The following MTUS2 variants were observed in gnomAD, a reference collection of about 807,000 sequenced individuals.
The protein encoded by MTUS2 is microtubule-associated tumor suppressor candidate 2.
Under a neutral mutation model 114.1 loss-of-function variants are expected in MTUS2, and 40 were observed. The observed-to-expected ratio is 0.35, with a 90% CI of 0.27 to 0.46. The LOEUF is 0.46. Among genes scored for constraint, MTUS2 ranks in the 20% least tolerant of loss-of-function variants. MTUS2 has a pLI of 1.00. For missense variants in MTUS2, 1,679 were observed against 1,705.4 expected (o/e 0.98, Z 0.27); for synonymous variants, 688 against 672.0 (o/e 1.02, Z -0.37).
chr13:29,478,740 T>G (rs558067207), intron 9 of MTUS2, among the ~76,000 whole-genome samples: 3 of 152,034 alleles, frequency 2.0e-5, no homozygotes, highest in Admixed American at 2.0e-4. Flanking sequence ...TGGGCCCTGA[T>G]TGCATTGGGA....
rs372153145 is a variant in MTUS2, at chr13:29,025,769, C to T, written c.1071C>T (p.Thr357=). ...GTGGGGAAGCACACCCGGAAGCCAC[C>T]GATGCACTTGGCCATCTGCTGAACA... is the stretch of plus-strand genomic sequence containing the variant. ...DPCGEAHPEA[T]DALGHLLNSD... Residue 357 remains threonine (T), a synonymous_variant, in exon 3 of 16, where the codon ACC becomes ACT. Transcript: ENST00000612955. 1.2e-5 allele frequency: 20 copies of T among 1,613,798 alleles called. No individual in the cohort carries two copies. In the African/African-American group the frequency reaches 1.5e-4, roughly 12 times the overall value.
chr13:28,886,704 AG>A (rs1161140598), intron 2 of MTUS2, among the ~76,000 whole-genome samples: 26 of 152,214 alleles, frequency 1.7e-4, no homozygotes, highest in Non-Finnish European at 3.7e-4. Context: ...AATACTCTCC[AG>A]GAATGTGCTC....
At chr13:28,973,622 A>T (rs1883955907) in intron 2 of MTUS2, among the ~76,000 whole-genome samples, 1 of 152,184 alleles carries the variant, frequency 6.6e-6, no homozygotes, top group Non-Finnish European at 1.5e-5. Context: ...AGGGTTTCTA[A>T]CTGTAATCAT....
chr13:28,882,592 C>T (rs1234370016), intron 2 of MTUS2, among the ~76,000 whole-genome samples: 1 of 151,916 alleles, frequency 6.6e-6, no homozygotes, highest in African/African-American at 2.4e-5. Context: ...AAAACATTAC[C>T]TGGGTGTGGT....
chr13:29,121,051 C>T (rs917277669), intron 5 of MTUS2, among the ~76,000 whole-genome samples: 3 of 152,194 alleles, frequency 2.0e-5, no homozygotes, highest in African/African-American at 7.2e-5. Flanking sequence ...CTGAATTTCT[C>T]AAGGGAGTGT....
At chr13:29,324,588 A>G in intron 6 of MTUS2, 25 bp from the exon 7 acceptor site, 1 of 1,522,584 alleles carries the variant, frequency 6.6e-7, no homozygotes, top group Non-Finnish European at 8.9e-7. Context: ...CTTTCTACCT[A>G]TTTCTCTTTT....
At chr13:29,132,362 TGTG>T (rs1277780358) in intron 5 of MTUS2, among the ~76,000 whole-genome samples, 1 of 152,210 alleles carries the variant, frequency 6.6e-6, no homozygotes, top group East Asian at 1.9e-4. Flanking sequence ...TGTTTGTTAT[TGTG>T]GTAGAATACA....
chr13:29,447,972 A>G (rs1032651194), intron 9 of MTUS2, among the ~76,000 whole-genome samples: 1 of 152,156 alleles, frequency 6.6e-6, no homozygotes, highest in Non-Finnish European at 1.5e-5. Flanking sequence ...TGTATTTGTA[A>G]GCACTGAAAT....
chr13:29,411,989 G>T (rs1393831270), intron 8 of MTUS2, among the ~76,000 whole-genome samples: 1 of 152,094 alleles, frequency 6.6e-6, no homozygotes, highest in Non-Finnish European at 1.5e-5. Flanking sequence ...TGTTGATTTT[G>T]TAGGGCTTTG....
intron 5 of MTUS2, among the ~76,000 whole-genome samples, chr13:29,244,911 C>CAG (rs1482484265): frequency 1.5e-3 from 203 of 133,636 alleles, no homozygotes; most frequent in Non-Finnish European, 2.6e-3. Flanking sequence ...AGCCGAGATC[C>CAG]CGCCACTGCA....
At chr13:29,239,306 G>A (rs1460466566) in intron 5 of MTUS2, 1 of 152,134 alleles carries the variant, frequency 6.6e-6, no homozygotes, top group East Asian at 1.9e-4. Context: ...AATTTATTTT[G>A]TTCTATTTTA....
chr13:29,052,728 C>G (rs1887959878), intron 4 of MTUS2, among the ~76,000 whole-genome samples: 1 of 152,136 alleles, frequency 6.6e-6, no homozygotes, highest in East Asian at 1.9e-4. Context: ...AAAGGCTAAA[C>G]TTGTATACAG....
At chr13:29,142,586 A>G in intron 5 of MTUS2, among the ~76,000 whole-genome samples, 1 of 152,162 alleles carries the variant, frequency 6.6e-6, no homozygotes, top group East Asian at 1.9e-4. Flanking sequence ...GGTGTCTGTA[A>G]TCCCAGCTAC....
intron 4 of MTUS2, among the ~76,000 whole-genome samples, chr13:29,042,135 G>C (rs1887393329): frequency 6.6e-6 from 1 of 152,098 alleles, no homozygotes; most frequent in Non-Finnish European, 1.5e-5. Flanking sequence ...CTTAAAGTAT[G>C]TCCTTTCCGT....
intron 2 of MTUS2, among the ~76,000 whole-genome samples, chr13:28,888,709 AC>A (rs1878740189): frequency 6.6e-6 from 1 of 151,902 alleles, no homozygotes; most frequent in Non-Finnish European, 1.5e-5. Flanking sequence ...GGCATGAGAC[AC>A]CGCGCTCGGC....
chr13:29,445,240 G>A (rs1878194454), intron 9 of MTUS2, among the ~76,000 whole-genome samples: 1 of 152,204 alleles, frequency 6.6e-6, no homozygotes, highest in Non-Finnish European at 1.5e-5. Context: ...TGCCCGGGGT[G>A]TGGAGGGTTT....
rs570132667 is a variant in MTUS2 at position 29,091,587 on chromosome 13, T to A, written c.2447-9186T>A. ...CATGATCCAGTCTTCCCCTTAGTGC[T>A]CTATAGATCTGGAGCCAATACCTAG... is the stretch of plus-strand genomic sequence containing the variant. On this transcript the variant is annotated intron_variant, in intron 4 of 15. Transcript: ENST00000612955. 6.6e-5 allele frequency among the ~76,000 whole-genome samples: 10 copies of A among 152,282 alleles called. No individual in the cohort carries two copies. In the South Asian group the frequency reaches 1.7e-3, roughly 25 times the overall value.
intron 2 of MTUS2, among the ~76,000 whole-genome samples, chr13:28,848,559 G>A (rs1313365442): frequency 6.6e-6 from 1 of 151,910 alleles, no homozygotes; most frequent in African/African-American, 2.4e-5. Context: ...TAGTGTGGTA[G>A]GAAGAGAGAT....
chr13:29,178,403 C>T (rs997202979), intron 5 of MTUS2, among the ~76,000 whole-genome samples: 3 of 152,032 alleles, frequency 2.0e-5, no homozygotes, highest in Non-Finnish European at 2.9e-5. Flanking sequence ...TGAAAATCCT[C>T]GGAGATATTC....
Sources: gnomAD v4.1 joint callset for allele counts (sites outside exome capture counted in the v4.1 genomes callset) on GRCh38, gnomAD v4.1.1 for gene constraint, MANE v1.5 for transcripts, NCBI Gene and HGNC (gene_info 2026-07-23, HGNC 2026-07-21) for gene names.